SGCZ: variants seen among roughly 807,000 people sequenced by gnomAD.
SGCZ encodes sarcoglycan zeta, also known as zeta-sarcoglycan.
SGCZ carries 40 observed loss-of-function variants against 41.3 expected under a neutral mutation model. The ratio of observed to expected loss-of-function variants is 0.97; its 90% CI spans 0.75 to 1.26. The LOEUF is 1.26. SGCZ is among the 50% of genes most tolerant of loss of function. The probability of loss-of-function intolerance (pLI) is 0.00; values close to 1 mark genes in which losing one functional copy is unlikely to be tolerated. For missense variants in SGCZ, 552 were observed against 369.8 expected (o/e 1.49, Z -4.04); for synonymous variants, 206 against 137.5 (o/e 1.50, Z -3.49).
intron 4 of SGCZ, among the ~76,000 whole-genome samples, chr8:14,231,283 G>T (rs917598797): frequency 1.2e-4 from 18 of 151,690 alleles, no homozygotes; most frequent in Non-Finnish European, 2.5e-4. Flanking sequence ...GACAGAGAGA[G>T]AGAGTGTGTC....
rs1040370602 is a variant in SGCZ, at chr8:14,996,636, C to G, written c.39+240949G>C. 5.9e-5 allele frequency among the ~76,000 whole-genome samples: 9 copies of G among 152,130 alleles called. No homozygotes were observed. The East Asian group carries it at 1.7e-3, about 29-fold the overall frequency. ...TTCAGAACTGACTCTACAGTTATAA[C>G]CAAGAGGCTGTGTATTCTTCCAGTA... On this transcript the variant is annotated intron_variant, in intron 1 of 7. Transcript: ENST00000382080.
At chr8:14,094,207 T>C (rs1339223053) in intron 7 of SGCZ, among the ~76,000 whole-genome samples, 2 of 152,088 alleles carry the variant, frequency 1.3e-5, no homozygotes, top group Non-Finnish European at 2.9e-5. Context: ...GTTTGTTACA[T>C]AGGTATTCAT....
At chr8:14,796,349 C>T (rs1316693187) in intron 1 of SGCZ, among the ~76,000 whole-genome samples, 2 of 152,022 alleles carry the variant, frequency 1.3e-5, no homozygotes, top group Non-Finnish European at 2.9e-5. Flanking sequence ...GAACTCCTGG[C>T]CTCAAGTGAT....
intron 5 of SGCZ, among the ~76,000 whole-genome samples, chr8:14,156,954 A>ATAATC (rs1200876194): frequency 2.0e-5 from 3 of 152,190 alleles, no homozygotes; most frequent in African/African-American, 7.2e-5. Flanking sequence ...TAGAAAGAGT[A>ATAATC]TAATCTAAAA....
intron 1 of SGCZ, among the ~76,000 whole-genome samples, chr8:15,186,526 T>A (rs574717477): frequency 6.6e-6 from 1 of 152,072 alleles, no homozygotes; most frequent in East Asian, 1.9e-4. Context: ...TAAACAAAGA[T>A]CATCAGCATA....
chr8:14,277,297 G>C (rs1337465303), intron 3 of SGCZ, among the ~76,000 whole-genome samples: 1 of 152,102 alleles, frequency 6.6e-6, no homozygotes, highest in Non-Finnish European at 1.5e-5. Context: ...ATTGGGTCAT[G>C]TTCCTTCATA....
intron 1 of SGCZ, among the ~76,000 whole-genome samples, chr8:14,970,243 A>G (rs956592009): frequency 1.3e-5 from 2 of 152,072 alleles, no homozygotes; most frequent in African/African-American, 2.4e-5. Flanking sequence ...AACTTTTTAT[A>G]TACTCTGACA....
rs138311372 is a variant in SGCZ, at chr8:15,013,839, C to T, written c.39+223746G>A. Reference sequence around the variant, plus strand: ...GTTATACTGACAAGAAAACAGCAAACGAGGCATGTTTGTGGGAAGCATAGA... The same window carrying T: ...GTTATACTGACAAGAAAACAGCAAATGAGGCATGTTTGTGGGAAGCATAGA... On this transcript the variant is annotated intron_variant, in intron 1 of 7. Coordinates refer to ENST00000382080, the MANE Select transcript of SGCZ (RefSeq NM_139167.4). Among the ~76,000 whole-genome samples, 273 of 152,212 alleles carry T rather than the reference C, an allele frequency of 1.8e-3. 3 individuals carry two copies. The highest frequency in any genetic ancestry group is 0.013 in the Admixed American group (196 of 15,280).
intron 1 of SGCZ, among the ~76,000 whole-genome samples, chr8:14,672,814 T>G (rs576979310): frequency 5.4e-5 from 8 of 148,814 alleles, no homozygotes; most frequent in Admixed American, 5.3e-4. Context: ...CTTTTACTCA[T>G]AGAGTATGAA....
chr8:15,207,292 C>A (rs12679682), intron 1 of SGCZ, among the ~76,000 whole-genome samples: 12 of 151,974 alleles, frequency 7.9e-5, no homozygotes, highest in African/African-American at 2.9e-4. Context: ...AGATATTTAG[C>A]GGGAATTATT....
intron 1 of SGCZ, among the ~76,000 whole-genome samples, chr8:14,723,308 A>G (rs185283803): frequency 2.0e-5 from 3 of 152,238 alleles, no homozygotes; most frequent in Admixed American, 6.5e-5. Flanking sequence ...CCTGAACACC[A>G]GGGCTTGTTC....
At chr8:15,144,339 T>C (rs1482840319) in intron 1 of SGCZ, among the ~76,000 whole-genome samples, 2 of 152,240 alleles carry the variant, frequency 1.3e-5, no homozygotes, top group Admixed American at 6.5e-5. Flanking sequence ...TGTGTTATTT[T>C]TGTACCTCAG....
At chr8:14,885,764 C>A (rs906662896) in intron 1 of SGCZ, among the ~76,000 whole-genome samples, 1 of 151,574 alleles carries the variant, frequency 6.6e-6, no homozygotes, top group African/African-American at 2.4e-5. Flanking sequence ...TTTAATCAGT[C>A]TTTTAAAAAT....
intron 1 of SGCZ, among the ~76,000 whole-genome samples, chr8:14,683,025 A>G (rs957097108): frequency 3.3e-5 from 5 of 152,194 alleles, no homozygotes; most frequent in Non-Finnish European, 5.9e-5. Flanking sequence ...TAATAGAACC[A>G]GGTGTCAAAT....
In SGCZ at chr8:14,628,343, G is replaced by A. The variant is rs537689530; in HGVS notation, c.40-73417C>T. ...TATAAGGAAAGAAAATATTACAGCT[G>A]ATAACCTCCCTCTAATCGGATTAGA... On this transcript the variant is annotated intron_variant, in intron 1 of 7. Transcript: ENST00000382080. 1.7e-4 allele frequency among the ~76,000 whole-genome samples: 23 copies of A among 132,794 alleles called. No homozygotes were observed. The South Asian group carries it at 5.3e-3, about 30-fold the overall frequency. 87.1% of individuals were successfully genotyped at this position (132,794 alleles called of 152,430 possible). A position where few individuals can be genotyped will look rare whatever the true frequency, so the allele number is the denominator to read the frequency against.
At chr8:14,655,696 A>G (rs1317081738) in intron 1 of SGCZ, among the ~76,000 whole-genome samples, 1 of 152,122 alleles carries the variant, frequency 6.6e-6, no homozygotes, top group Admixed American at 6.6e-5. Flanking sequence ...TACTGACAGT[A>G]ATAGACTCAA....
chr8:14,908,550 G>C (rs943250775), intron 1 of SGCZ, among the ~76,000 whole-genome samples: 2 of 152,084 alleles, frequency 1.3e-5, no homozygotes, highest in South Asian at 2.1e-4. Context: ...AGCAGTTCGA[G>C]ACCAGCCTGA....
At chr8:15,195,943 G>T (rs1174089046) in intron 1 of SGCZ, among the ~76,000 whole-genome samples, 2 of 113,222 alleles carry the variant, frequency 1.8e-5, no homozygotes, top group African/African-American at 3.5e-5. Flanking sequence ...TGTCGCCCAG[G>T]CTGGAGTGCA....
chr8:14,693,904 T>C (rs771184267), intron 1 of SGCZ, among the ~76,000 whole-genome samples: 3 of 152,152 alleles, frequency 2.0e-5, no homozygotes, highest in Non-Finnish European at 4.4e-5. Context: ...GAGGGCATTT[T>C]AAACAGCAAT....
Sources: allele counts gnomAD v4.1 joint callset (sites outside exome capture counted in the v4.1 genomes callset), GRCh38; gene constraint gnomAD v4.1.1; transcripts MANE v1.5; gene names NCBI Gene and HGNC (gene_info 2026-07-23, HGNC 2026-07-21).